LPP: variants seen among roughly 807,000 people sequenced by gnomAD.
LPP encodes the protein lipoma-preferred partner.
A neutral mutation model predicts 60.4 loss-of-function variants in LPP; 38 were observed. The observed-to-expected ratio is 0.63, with a 90% confidence interval of 0.49 to 0.83. LPP has a LOEUF of 0.83. Among genes scored for constraint, LPP ranks in the 40% least tolerant of loss-of-function variants. LPP has a pLI of 0.00. For synonymous variants in LPP, 328 were observed against 290.8 expected (o/e 1.13, Z -1.30); for missense variants, 902 against 783.6 (o/e 1.15, Z -1.80).
chr3:188,606,583 CT>C (rs1218060317), intron 6 of LPP, among the ~76,000 whole-genome samples: 1 of 151,952 alleles, frequency 6.6e-6, no homozygotes, highest in Non-Finnish European at 1.5e-5. Flanking sequence ...GGGGCTTTAC[CT>C]TTCTGCTTGA....
chr3:188,781,955 A>G (rs889909211), intron 9 of LPP, among the ~76,000 whole-genome samples: 1 of 151,740 alleles, frequency 6.6e-6, no homozygotes, highest in South Asian at 2.1e-4. Context: ...TGTCCCTTCT[A>G]CTTCACGTGG....
Position 188,273,074 on chromosome 3 carries a change from C to T in LPP, c.-67+47547C>T, listed in dbSNP as rs568376859. Among the ~76,000 whole-genome samples, 19 of 152,298 alleles carry T rather than the reference C, an allele frequency of 1.2e-4. No homozygotes were observed. The South Asian group carries it at 2.9e-3, about 23-fold the overall frequency. On this transcript the variant is annotated intron_variant, in intron 2 of 11. Coordinates refer to ENST00000617246, the MANE Select transcript of LPP (RefSeq NM_001375462.1). The stretch of plus-strand genomic sequence containing the variant: ...GACTCGTTCAGTGCTTTTATGCCTG[C>T]GTCGTGTTTTCTGCCTTTCCAGGCT...
At chr3:188,711,533 T>C (rs1276331909) in intron 8 of LPP, 1 of 152,078 alleles carries the variant, frequency 6.6e-6, no homozygotes, top group African/African-American at 2.4e-5. Flanking sequence ...TTTGGACAGA[T>C]GGGAAATAAG....
At chr3:188,193,494 A>G (rs905496304) in intron 1 of LPP, among the ~76,000 whole-genome samples, 1 of 152,258 alleles carries the variant, frequency 6.6e-6, no homozygotes, top group Non-Finnish European at 1.5e-5. Flanking sequence ...TGCCTGGCAT[A>G]CAACAAGTGC....
intron 9 of LPP, among the ~76,000 whole-genome samples, chr3:188,831,599 C>T (rs766055236): frequency 6.6e-6 from 1 of 152,210 alleles, no homozygotes; most frequent in Non-Finnish European, 1.5e-5. Flanking sequence ...AGGCTCTTTC[C>T]GGTGTTCCAT....
intron 9 of LPP, among the ~76,000 whole-genome samples, chr3:188,807,854 A>G (rs762027926): frequency 5.3e-5 from 8 of 151,824 alleles, no homozygotes; most frequent in Non-Finnish European, 1.5e-5. Context: ...TTCTGAGTCT[A>G]TTTCTGTTTG....
intron 4 of LPP, chr3:188,472,822 A>G (rs180693806): frequency 1.3e-5 from 2 of 152,272 alleles, no homozygotes; most frequent in Admixed American, 1.3e-4. Flanking sequence ...CGTCTATTCC[A>G]AGTCTCCTAA....
intron 2 of LPP, among the ~76,000 whole-genome samples, chr3:188,238,186 T>G (rs1481055808): frequency 6.6e-6 from 1 of 152,194 alleles, no homozygotes; most frequent in African/African-American, 2.4e-5. Context: ...CTCACTTCTT[T>G]TTGCCTTCAT....
At chr3:188,191,847 TTAG>T (rs1025418568) in intron 1 of LPP, among the ~76,000 whole-genome samples, 4 of 152,134 alleles carry the variant, frequency 2.6e-5, no homozygotes, top group African/African-American at 9.7e-5. Flanking sequence ...AATGTTGATT[TTAG>T]TAGGCAAGTT....
At chr3:188,483,763 A>T (rs1255285650) in intron 4 of LPP, among the ~76,000 whole-genome samples, 4 of 152,142 alleles carry the variant, frequency 2.6e-5, no homozygotes, top group Non-Finnish European at 5.9e-5. Context: ...TGGATTATGT[A>T]TAGATTTCTA....
At chr3:188,670,512 A>G (rs1470660866) in intron 7 of LPP, among the ~76,000 whole-genome samples, 1 of 140,122 alleles carries the variant, frequency 7.1e-6, no homozygotes, top group Non-Finnish European at 1.6e-5. Context: ...TAGTTCTGTT[A>G]TTTGTCTTCT....
At position 188,185,455 on chromosome 3, in the gene LPP, TC is replaced by T. The variant is rs201695912; in HGVS notation, c.-190+31208del. Among the ~76,000 whole-genome samples, 1,137 of 152,070 alleles carry T rather than the reference TC, an allele frequency of 7.5e-3. 10 individuals carry two copies. The highest frequency in any genetic ancestry group is 0.014 in the Middle Eastern group (4 of 294). On this transcript the variant is annotated intron_variant, in intron 1 of 11. Coordinates refer to ENST00000617246, the MANE Select transcript of LPP (RefSeq NM_001375462.1). Reference sequence around the variant, plus strand: ...GTTTATAGAGTGGATAACTCTCTTTTCCCCCTATATACCCCACAGTTTATAG... The same window carrying T: ...GTTTATAGAGTGGATAACTCTCTTTTCCCCTATATACCCCACAGTTTATAG...
At chr3:188,562,338 A>G (rs1413606195) in intron 6 of LPP, 2 of 152,034 alleles carry the variant, frequency 1.3e-5, no homozygotes, top group African/African-American at 4.8e-5. Flanking sequence ...GACTTTTGAT[A>G]TATTCATTCT....
intron 4 of LPP, among the ~76,000 whole-genome samples, chr3:188,475,760 G>A (rs1030863474): frequency 9.9e-5 from 15 of 152,176 alleles, no homozygotes; most frequent in East Asian, 5.8e-4. Flanking sequence ...AAAATTAGCC[G>A]GGCGTGGTGG....
At chr3:188,494,658 C>T (rs1381784565) in intron 5 of LPP, among the ~76,000 whole-genome samples, 11 of 151,986 alleles carry the variant, frequency 7.2e-5, no homozygotes, top group East Asian at 5.8e-4. Context: ...TCACAGAAAA[C>T]GTGCTCTCTG....
At chr3:188,840,168 A>G (rs1759564772) in intron 9 of LPP, among the ~76,000 whole-genome samples, 2 of 152,116 alleles carry the variant, frequency 1.3e-5, no homozygotes, top group African/African-American at 2.4e-5. Context: ...CAAGAAACCC[A>G]CGATTTCTTT....
intron 4 of LPP, among the ~76,000 whole-genome samples, chr3:188,430,843 G>A (rs373644603): frequency 1.8e-4 from 27 of 151,906 alleles, no homozygotes; most frequent in East Asian, 7.7e-4. Flanking sequence ...TCAACATTGA[G>A]ATTTTTTTTT....
At chr3:188,284,573 T>A (rs1743261991) in intron 2 of LPP, among the ~76,000 whole-genome samples, 1 of 152,166 alleles carries the variant, frequency 6.6e-6, no homozygotes, top group Admixed American at 6.5e-5. Context: ...GTAGCTACCA[T>A]CCTGCTAGGT....
chr3:188,565,076 A>G (rs1831802036), intron 6 of LPP, among the ~76,000 whole-genome samples: 1 of 151,858 alleles, frequency 6.6e-6, no homozygotes, highest in Admixed American at 6.6e-5. Context: ...GTTCTTCTCC[A>G]GTACACATGG....
Sources: gnomAD v4.1 joint callset for allele counts (sites outside exome capture counted in the v4.1 genomes callset) on GRCh38, gnomAD v4.1.1 for gene constraint, MANE v1.5 for transcripts, NCBI Gene and HGNC (gene_info 2026-07-23, HGNC 2026-07-21) for gene names.